Variants in KIF13B observed in about 807,000 individuals in gnomAD.
The protein encoded by KIF13B is kinesin family member 13B.
In KIF13B, 127 loss-of-function variants were observed where a neutral mutation model predicts 222.0. That is an observed-to-expected ratio of 0.57 (90% CI 0.50 to 0.66). The LOEUF (loss-of-function observed/expected upper bound fraction) is 0.66, where lower values mean the gene tolerates loss of function less well. Ranked by LOEUF, KIF13B falls within the 30% of genes least tolerant of loss-of-function variation. KIF13B has a pLI of 0.00. For synonymous variants in KIF13B, 976 were observed against 919.0 expected (o/e 1.06, Z -1.12); for missense variants, 2,173 against 2,379.0 (o/e 0.91, Z 1.80).
At chr8:29,258,981 C>G (rs1816586012) in intron 1 of KIF13B, among the ~76,000 whole-genome samples, 1 of 152,138 alleles carries the variant, frequency 6.6e-6, no homozygotes, top group African/African-American at 2.4e-5. Flanking sequence ...AGTAAAATCC[C>G]CCTAACAAGA....
At chr8:29,194,365 C>T (rs933339001) in intron 3 of KIF13B, among the ~76,000 whole-genome samples, 2 of 150,526 alleles carry the variant, frequency 1.3e-5, no homozygotes, top group Admixed American at 6.6e-5. Context: ...CAATTTGAGT[C>T]GAGAGGCTAT....
intron 1 of KIF13B, among the ~76,000 whole-genome samples, chr8:29,247,899 T>C (rs1261834816): frequency 2.8e-5 from 4 of 144,912 alleles, no homozygotes; most frequent in Non-Finnish European, 6.1e-5. Context: ...GATCTGAATA[T>C]ACGTCTCTCC....
At chr8:29,241,100 CTAT>C (rs1307444613) in intron 2 of KIF13B, among the ~76,000 whole-genome samples, 1 of 152,134 alleles carries the variant, frequency 6.6e-6, no homozygotes, top group East Asian at 1.9e-4. Context: ...ATACAACAGA[CTAT>C]TATTTCATCA....
At chr8:29,082,952 C>T (rs929726551) in intron 37 of KIF13B, among the ~76,000 whole-genome samples, 9 of 152,154 alleles carry the variant, frequency 5.9e-5, no homozygotes, top group African/African-American at 2.2e-4. Flanking sequence ...TAGGGAGACC[C>T]CGTCTCTACA....
intron 6 of KIF13B, among the ~76,000 whole-genome samples, chr8:29,182,623 CAAAGAAGGAACTAAT>C (rs1812759251): frequency 6.7e-6 from 1 of 149,316 alleles, no homozygotes; most frequent in African/African-American, 2.5e-5. Flanking sequence ...CCCCTCTTAG[CAAAGAAGGAACTAAT>C]AAACCCAATA....
intron 37 of KIF13B, among the ~76,000 whole-genome samples, chr8:29,092,316 A>G (rs1808336984): frequency 6.6e-6 from 1 of 152,220 alleles, no homozygotes; most frequent in Admixed American, 6.5e-5. Flanking sequence ...TCAGTGAAAG[A>G]ACAGGTTATC....
chr8:29,128,167 A>T (rs1288858037), intron 24 of KIF13B, among the ~76,000 whole-genome samples: 2 of 150,256 alleles, frequency 1.3e-5, no homozygotes, highest in East Asian at 1.9e-4. Flanking sequence ...TATAAAAAAT[A>T]ATCAGTAAAT....
intron 10 of KIF13B, among the ~76,000 whole-genome samples, chr8:29,173,623 A>G (rs375602403): frequency 4.6e-5 from 7 of 151,766 alleles, no homozygotes; most frequent in East Asian, 3.9e-4. Context: ...CTGTCTCCAA[A>G]AAAAAAAAGA....
At chr8:29,197,085 C>T (rs1001114945) in intron 2 of KIF13B, among the ~76,000 whole-genome samples, 2 of 152,006 alleles carry the variant, frequency 1.3e-5, no homozygotes, top group South Asian at 4.2e-4. Flanking sequence ...CGCCTGTAAT[C>T]CCAGCACTTT....
At chr8:29,187,065 T>C (rs1040671003) in intron 5 of KIF13B, among the ~76,000 whole-genome samples, 2 of 152,050 alleles carry the variant, frequency 1.3e-5, no homozygotes, top group Non-Finnish European at 2.9e-5. Context: ...GTCTAAAAGT[T>C]TTCCGAAATA....
rs1394874354 is a variant in KIF13B at position 29,160,772 on chromosome 8, A to G, written c.1365T>C (p.Ala455=). The change falls in exon 13 of 40, where the codon GCT becomes GCC. Residue 455 remains alanine, a synonymous_variant. Transcript: ENST00000524189. ...DDKCFLVNLN[A]DPALNELLVY... The stretch of plus-strand genomic sequence containing the variant: ...CCAGAAGCTCATTCAGAGCTGGGTC[A>G]GCATTCAGATTCACAAGGAAGCATT... 1.9e-6 allele frequency: 3 copies of G among 1,613,728 alleles called. No homozygotes were observed. Among genetic ancestry groups the G allele is most frequent in the East Asian group, 2.2e-5 (1 of 44,828 alleles).
At chr8:29,150,474 G>A in intron 14 of KIF13B, 91 bp from the exon 15 acceptor site, 1 of 633,212 alleles carries the variant, frequency 1.6e-6, no homozygotes, top group Non-Finnish European at 2.8e-6. Context: ...TAGTTACTAG[G>A]GAAAACAATA....
chr8:29,092,524 G>T (rs953025920), intron 37 of KIF13B, among the ~76,000 whole-genome samples: 1 of 152,174 alleles, frequency 6.6e-6, no homozygotes, highest in African/African-American at 2.4e-5. Flanking sequence ...CAGTGTCCTT[G>T]GCACTTCTTA....
intron 36 of KIF13B, among the ~76,000 whole-genome samples, chr8:29,097,147 C>T (rs1210169657): frequency 1.3e-5 from 2 of 152,054 alleles, no homozygotes; most frequent in East Asian, 3.9e-4. Flanking sequence ...ATCGTGCAAA[C>T]AGTAAATAAA....
chr8:29,136,578 C>CA (rs79763767), intron 21 of KIF13B, among the ~76,000 whole-genome samples: 19 of 43,178 alleles, frequency 4.4e-4, no homozygotes, highest in Admixed American at 1.2e-3. Context: ...AGCGAAACTC[C>CA]GCTCAAAAAT....
intron 2 of KIF13B, among the ~76,000 whole-genome samples, chr8:29,215,308 G>A (rs1043876248): frequency 6.6e-6 from 1 of 152,128 alleles, no homozygotes; most frequent in Non-Finnish European, 1.5e-5. Context: ...CTGGAGTAGG[G>A]AGGGAGGCAA....
chr8:29,182,058 A>T (rs1340670506), intron 6 of KIF13B, 52 bp from the exon 7 acceptor site: 52 of 1,403,442 alleles, frequency 3.7e-5, no homozygotes, highest in Non-Finnish European at 5.1e-5. Context: ...TATTTTTAAA[A>T]AGGACTCAGC....
chr8:29,132,394 A>G lies in KIF13B; in HGVS notation c.2856T>C (p.Tyr952=), dbSNP rs374291949. The G allele has an allele frequency of 8.1e-5, 129 of 1,595,828 alleles. No homozygotes were observed. Among genetic ancestry groups the G allele is most frequent in the Non-Finnish European group, 1.0e-4 (121 of 1,170,424 alleles). The part of the protein sequence containing the change: ...LSEGALAIEV[Y]GHKINDPRKN... ...TCCGGGGATCGTTTATTTTATGTCC[A>G]TATACTTCAATTGCCAATGCTCCTT... is the stretch of plus-strand genomic sequence containing the variant. The change falls in exon 23 of 40, where the codon TAT becomes TAC. Residue 952 remains tyrosine (Y), a synonymous_variant. Transcript: ENST00000524189.
intron 2 of KIF13B, among the ~76,000 whole-genome samples, chr8:29,216,649 TTAA>T (rs1472918860): frequency 6.6e-6 from 1 of 152,138 alleles, no homozygotes; most frequent in African/African-American, 2.4e-5. Context: ...TCTTTCTACT[TTAA>T]TATTTTGCCC....
Sources: gnomAD v4.1 joint callset for allele counts (sites outside exome capture counted in the v4.1 genomes callset) on GRCh38, gnomAD v4.1.1 for gene constraint, MANE v1.5 for transcripts, NCBI Gene and HGNC (gene_info 2026-07-23, HGNC 2026-07-21) for gene names.